The following IQCJ variants were observed in gnomAD, a reference collection of about 807,000 sequenced individuals.
IQCJ encodes IQ motif containing J, also known as IQ domain-containing protein J.
In IQCJ, 9 loss-of-function variants were observed where a neutral mutation model predicts 11.0. The observed-to-expected ratio is 0.82, with a 90% CI of 0.49 to 1.43. The LOEUF (loss-of-function observed/expected upper bound fraction) is 1.43, where lower values mean the gene tolerates loss of function less well. Ranked by LOEUF, IQCJ falls within the 40% of genes most tolerant of loss-of-function variation. IQCJ has a pLI of 0.00. For missense variants in IQCJ, 146 were observed against 133.2 expected (o/e 1.10, Z -0.47); for synonymous variants, 55 against 51.3 (o/e 1.07, Z -0.31).
chr3:159,250,970 T>C (rs1015694245), intron 2 of IQCJ, among the ~76,000 whole-genome samples: 2 of 152,226 alleles, frequency 1.3e-5, no homozygotes, highest in African/African-American at 4.8e-5. Context: ...TTATCCTCCA[T>C]GCTTTGCATC....
intron 1 of IQCJ, among the ~76,000 whole-genome samples, chr3:159,209,341 C>T (rs139048007): frequency 4.6e-5 from 7 of 152,200 alleles, no homozygotes; most frequent in East Asian, 1.9e-4. Flanking sequence ...ACTTTCTTCT[C>T]GCACCATCCC....
chr3:159,265,331 C>T (rs1471651792), downstream of IQCJ: 1 of 1,613,854 alleles, frequency 6.2e-7, no homozygotes, highest in East Asian at 2.2e-5. Context: ...ACCAGCTTGC[C>T]AGACCCACTG....
intron 1 of IQCJ, among the ~76,000 whole-genome samples, chr3:159,101,248 A>C (rs886261159): frequency 6.7e-4 from 100 of 148,836 alleles, no homozygotes; most frequent in African/African-American, 2.4e-3. Flanking sequence ...GCGCACACAC[A>C]CTGGCCTGCG....
Position 159,262,738 on chromosome 3 carries a change from A to C in IQCJ, c.*7A>C. ...TGACTTGACATTCAACTGAAAGCCTAGACTTTGGTTCTAAGAGAGAAATCT... is the reference window on the plus strand; with the variant it reads ...TGACTTGACATTCAACTGAAAGCCTCGACTTTGGTTCTAAGAGAGAAATCT... On this transcript the variant is annotated 3_prime_UTR_variant, in exon 4 of 4. Transcript: ENST00000397832. 1.9e-6 allele frequency: 3 copies of C among 1,611,448 alleles called. No homozygotes were observed. Among genetic ancestry groups the C allele is most frequent in the African/African-American group, 2.7e-5 (2 of 74,952 alleles).
At chr3:159,208,312 C>T (rs527677685) in intron 1 of IQCJ, among the ~76,000 whole-genome samples, 35 of 152,330 alleles carry the variant, frequency 2.3e-4, no homozygotes, top group African/African-American at 8.4e-4. Context: ...AGCTGCTCTA[C>T]TCTCTCTCCC....
intron 1 of IQCJ, among the ~76,000 whole-genome samples, chr3:159,091,587 C>T (rs980434744): frequency 1.3e-5 from 2 of 150,460 alleles, no homozygotes; most frequent in African/African-American, 4.9e-5. Context: ...ACATTCAGAC[C>T]ATAGCAGTGA....
chr3:159,134,219 A>C (rs1315819241), intron 1 of IQCJ, among the ~76,000 whole-genome samples: 2 of 152,104 alleles, frequency 1.3e-5, no homozygotes, highest in Non-Finnish European at 2.9e-5. Flanking sequence ...AGTCAACAAG[A>C]AGAGTCTCTA....
intron 1 of IQCJ, among the ~76,000 whole-genome samples, chr3:159,230,454 C>A (rs1157313582): frequency 6.6e-6 from 1 of 152,074 alleles, no homozygotes; most frequent in Admixed American, 6.5e-5. Flanking sequence ...ATGCTGGATG[C>A]TAAAATTTAT....
intron 1 of IQCJ, among the ~76,000 whole-genome samples, chr3:159,121,152 T>A (rs1431809252): frequency 3.5e-5 from 5 of 142,898 alleles, no homozygotes; most frequent in African/African-American, 8.2e-5. Context: ...TTTTTTTTTT[T>A]AATTAGGGTC....
In IQCJ at chr3:159,162,271, G is replaced by T. The variant is rs183801658; in HGVS notation, c.10-83572G>T. 4.9e-3 allele frequency among the ~76,000 whole-genome samples: 748 copies of T among 152,212 alleles called. 3 individuals are homozygous for T. The highest frequency in any genetic ancestry group is 0.017 in the African/African-American group (713 of 41,532). Reference sequence around the variant, plus strand: ...CATCCCTTGTAAGCTGGATTCCTAGGTATTTTATTCTCTTTGAAGCAATTG... The same window carrying T: ...CATCCCTTGTAAGCTGGATTCCTAGTTATTTTATTCTCTTTGAAGCAATTG... On this transcript the variant is annotated intron_variant, in intron 1 of 3. Coordinates refer to ENST00000397832, the MANE Select transcript of IQCJ (RefSeq NM_001042706.3).
At chr3:159,162,655 A>C (rs917128036) in intron 1 of IQCJ, among the ~76,000 whole-genome samples, 1 of 152,222 alleles carries the variant, frequency 6.6e-6, no homozygotes, top group African/African-American at 2.4e-5. Flanking sequence ...GAAAGGATCA[A>C]CAAAATTGAT....
intron 1 of IQCJ, among the ~76,000 whole-genome samples, chr3:159,156,797 G>T (rs1430014413): frequency 6.6e-6 from 1 of 152,030 alleles, no homozygotes. Context: ...AAATAAACAT[G>T]CAAAAACCAG....
chr3:159,179,614 G>A (rs1320500195), intron 1 of IQCJ, among the ~76,000 whole-genome samples: 2 of 152,060 alleles, frequency 1.3e-5, no homozygotes, highest in Non-Finnish European at 2.9e-5. Flanking sequence ...TCATAGATGT[G>A]GGGAAAAATT....
chr3:159,102,563 A>C (rs1718002219), intron 1 of IQCJ, among the ~76,000 whole-genome samples: 1 of 152,192 alleles, frequency 6.6e-6, no homozygotes, highest in African/African-American at 2.4e-5. Context: ...GCATGGGTGA[A>C]TGCTGGCTAA....
intron 1 of IQCJ, among the ~76,000 whole-genome samples, chr3:159,218,626 A>G (rs1052695904): frequency 3.9e-5 from 6 of 152,122 alleles, no homozygotes; most frequent in African/African-American, 1.4e-4. Context: ...GGAAGATTTG[A>G]GAGTTTTTAG....
At chr3:159,109,527 TAAAA>T (rs3051445) in intron 1 of IQCJ, among the ~76,000 whole-genome samples, 2 of 122,702 alleles carry the variant, frequency 1.6e-5, no homozygotes, top group African/African-American at 5.8e-5. Flanking sequence ...TTGTATTAAC[TAAAA>T]AAAAAAAAAA....
intron 1 of IQCJ, among the ~76,000 whole-genome samples, chr3:159,188,916 C>T (rs1265676487): frequency 1.3e-5 from 2 of 152,152 alleles, no homozygotes; most frequent in South Asian, 2.1e-4. Context: ...AGCATTTATA[C>T]CTTAAACTAG....
chr3:159,240,190 A>G (rs1726836771), intron 1 of IQCJ, among the ~76,000 whole-genome samples: 1 of 152,182 alleles, frequency 6.6e-6, no homozygotes, highest in Non-Finnish European at 1.5e-5. Context: ...AAATAAAATG[A>G]CATGTTAAAT....
chr3:159,237,822 A>G (rs1726680259), intron 1 of IQCJ, among the ~76,000 whole-genome samples: 1 of 152,194 alleles, frequency 6.6e-6, no homozygotes, highest in South Asian at 2.1e-4. Flanking sequence ...TCAAACACAC[A>G]TGTTCTTCTG....
Sources: gnomAD v4.1 joint callset for allele counts (sites outside exome capture counted in the v4.1 genomes callset) on GRCh38, gnomAD v4.1.1 for gene constraint, MANE v1.5 for transcripts, NCBI Gene and HGNC (gene_info 2026-07-23, HGNC 2026-07-21) for gene names.